Variants in SVOP observed in about 807,000 individuals in gnomAD.
The protein encoded by SVOP is synaptic vesicle 2-related protein.
SVOP carries 17 observed loss-of-function variants against 69.1 expected under a neutral mutation model. The ratio of observed to expected loss-of-function variants is 0.25; its 90% CI spans 0.17 to 0.37. SVOP has a LOEUF of 0.37. Ranked by LOEUF, SVOP falls within the 10% of genes least tolerant of loss-of-function variation. The pLI is 1.00. For missense variants in SVOP, 435 were observed against 597.5 expected, an observed-to-expected ratio of 0.73 and a Z score of 2.84; for synonymous variants, 238 against 238.6, an observed-to-expected ratio of 1.00 and a Z score of 0.02.
rs2039675662 is a variant in SVOP, at chr12:108,910,534, A to T, written c.*2001T>A. 1.3e-5 allele frequency: 2 copies of T among 152,206 alleles called. No homozygotes were observed. Among genetic ancestry groups the T allele is most frequent in the Admixed American group, 6.5e-5 (1 of 15,278 alleles). The allele number at this position is 152,206 out of a possible 1,614,324, so 9.4% of individuals were successfully genotyped here. ...GCTACAGCCACACGTGGTTCAAGGA[A>T]ATGTGGTTGTCAGAGAGAGACAGAG... On this transcript the variant is annotated 3_prime_UTR_variant, in exon 16 of 16. Transcript: ENST00000610966.
chr12:108,990,703 A>G (rs1221916328), intron 1 of SVOP, among the ~76,000 whole-genome samples: 1 of 151,356 alleles, frequency 6.6e-6, no homozygotes, highest in East Asian at 1.9e-4. Flanking sequence ...AAAAATAAAT[A>G]AATAAATAAA....
rs140401909 is a variant in SVOP, at chr12:108,992,431, C to T, written c.36-8670G>A. On this transcript the variant is annotated intron_variant, in intron 1 of 15. Transcript: ENST00000610966. ...TGGTGTGTGCCTGTAGTCCTAGCTA[C>T]TCAGGAGGCTGAGGTGGGAGGGTCG... Among the ~76,000 whole-genome samples, 1,143 of 152,186 alleles carry T rather than the reference C, an allele frequency of 7.5e-3. 24 individuals carry two copies. Among genetic ancestry groups the T allele is most frequent in the African/African-American group, 0.026 (1,095 of 41,524 alleles).
At chr12:108,986,930 C>T (rs148705751) in intron 1 of SVOP, among the ~76,000 whole-genome samples, 146 of 152,196 alleles carry the variant, frequency 9.6e-4, no homozygotes, top group Non-Finnish European at 1.4e-3. Context: ...ATAGTTGTGC[C>T]GTAAGTCAGG....
rs185864026 is a variant in SVOP, at chr12:109,013,277, C to T, written c.35+7557G>A. On this transcript the variant is annotated intron_variant, in intron 1 of 15. Coordinates refer to ENST00000610966, the MANE Select transcript of SVOP (RefSeq NM_018711.5). ...ATTATAGAGTTTATTAGCGATGATA[C>T]GTGCTATGAAAAAAAGAAAAAGGAG... is the stretch of plus-strand genomic sequence containing the variant. 1.6e-3 allele frequency among the ~76,000 whole-genome samples: 249 copies of T among 151,724 alleles called. 1 individual carries two copies. The highest frequency in any genetic ancestry group is 5.2e-3 in the African/African-American group (215 of 41,366).
intron 6 of SVOP, among the ~76,000 whole-genome samples, chr12:108,956,294 T>A: frequency 1.0e-5 from 1 of 100,368 alleles, no homozygotes. Flanking sequence ...AGAGCGAGAT[T>A]CCGTCTCAAA....
chr12:108,995,361 T>C (rs1439448364), intron 1 of SVOP, among the ~76,000 whole-genome samples: 2 of 152,088 alleles, frequency 1.3e-5, no homozygotes, highest in South Asian at 2.1e-4. Flanking sequence ...TGGATGAACC[T>C]TGAAGATATT....
In SVOP at chr12:108,918,030, A is replaced by G; in HGVS notation, c.1350+13T>C. ...CTGCCCGTTCCCCAGCAGCTCCCAG[A>G]CACCCCTCCTACCTCAGGTGTGTAA... On this transcript the variant is annotated intron_variant, in intron 14 of 15. Transcript: ENST00000610966. The G allele has an allele frequency of 6.4e-7, 1 of 1,558,200 alleles. No individual in the cohort carries two copies. Among genetic ancestry groups the G allele is most frequent in the Admixed American group, 2.0e-5 (1 of 50,930 alleles).
intron 11 of SVOP, among the ~76,000 whole-genome samples, chr12:108,927,844 C>T (rs1042374457): frequency 6.6e-5 from 10 of 152,018 alleles, no homozygotes; most frequent in Non-Finnish European, 1.2e-4. Flanking sequence ...GATTCACCTG[C>T]CTCAGCCTCC....
Position 108,919,798 on chromosome 12 carries a change from G to A in SVOP, c.1157-12C>T, listed in dbSNP as rs778993343. ...AGTCACAAGGACACCTGGAAGGGGA[G>A]TGGGGAGAGATAGGCAGCTTCCGAT... On this transcript the variant is annotated splice_polypyrimidine_tract_variant and intron_variant, in intron 12 of 15. Transcript: ENST00000610966. 4.5e-6 allele frequency: 7 copies of A among 1,566,170 alleles called. No individual in the cohort carries two copies. The South Asian group carries it at 8.2e-5, about 18-fold the overall frequency.
At chr12:108,914,860 T>C (rs73193468) in intron 15 of SVOP, among the ~76,000 whole-genome samples, 43,955 of 150,856 alleles carry the variant, frequency 0.29, 7,581 homozygotes, top group Admixed American at 0.5. Flanking sequence ...ACCTGACCCT[T>C]CTTTCCTTTT....
chr12:108,995,106 C>T (rs1302989284), intron 1 of SVOP, among the ~76,000 whole-genome samples: 3 of 151,484 alleles, frequency 2.0e-5, no homozygotes, highest in African/African-American at 7.3e-5. Flanking sequence ...AATCACACCA[C>T]AGCATTCCAG....
chr12:108,985,747 G>A (rs1291566100), intron 1 of SVOP, among the ~76,000 whole-genome samples: 1 of 152,126 alleles, frequency 6.6e-6, no homozygotes, highest in Non-Finnish European at 1.5e-5. Context: ...AGCAGATGGA[G>A]TACACATTTG....
rs150872052 is a variant in SVOP at position 108,957,203 on chromosome 12, G to A, written c.578+3720C>T. On this transcript the variant is annotated intron_variant, in intron 6 of 15. Transcript: ENST00000610966. Reference sequence around the variant, plus strand: ...TTTTGAGATGGAGTCTTGCTCTGTCGCCGAGGCTGGATAGCAGTGGCGCGC... The same window carrying A: ...TTTTGAGATGGAGTCTTGCTCTGTCACCGAGGCTGGATAGCAGTGGCGCGC... Among the ~76,000 whole-genome samples, 886 of 152,192 alleles carry A rather than the reference G, an allele frequency of 5.8e-3. 12 individuals are homozygous for A. The highest frequency in any genetic ancestry group is 0.02 in the African/African-American group (832 of 41,522).
intron 15 of SVOP, among the ~76,000 whole-genome samples, chr12:108,914,655 G>A (rs1460886535): frequency 6.6e-6 from 1 of 151,766 alleles, no homozygotes; most frequent in Non-Finnish European, 1.5e-5. Context: ...TGCAAACTCT[G>A]CCTCCTGGGT....
intron 1 of SVOP, among the ~76,000 whole-genome samples, chr12:109,001,142 A>C (rs2040266735): frequency 8.0e-6 from 1 of 125,588 alleles, no homozygotes; most frequent in African/African-American, 3.0e-5. Context: ...ATGTACAAAA[A>C]TCACAGGCAT....
chr12:109,006,082 CA>C (rs1289033839), intron 1 of SVOP, among the ~76,000 whole-genome samples: 1 of 152,116 alleles, frequency 6.6e-6, no homozygotes, highest in Non-Finnish European at 1.5e-5. Context: ...GAAAGAGTCT[CA>C]CTCTTGTCAC....
chr12:108,928,735 T>A (rs2039797657), intron 11 of SVOP, among the ~76,000 whole-genome samples: 1 of 151,982 alleles, frequency 6.6e-6, no homozygotes, highest in Non-Finnish European at 1.5e-5. Flanking sequence ...CTCGGCTCAG[T>A]TTTTGTAGTT....
At chr12:108,938,411 C>T (rs1226796583) in intron 9 of SVOP, among the ~76,000 whole-genome samples, 1 of 152,176 alleles carries the variant, frequency 6.6e-6, no homozygotes, top group Admixed American at 6.5e-5. Context: ...AACACCTACA[C>T]AGGGTGCGGT....
chr12:108,978,366 CT>C (rs1170445288), intron 3 of SVOP: 1 of 509,320 alleles, frequency 2.0e-6, no homozygotes, highest in African/African-American at 2.0e-5. Flanking sequence ...AGTTCAACTC[CT>C]TCTTGGGGGC....
Sources: gnomAD v4.1 joint callset for allele counts (sites outside exome capture counted in the v4.1 genomes callset) on GRCh38, gnomAD v4.1.1 for gene constraint, MANE v1.5 for transcripts, NCBI Gene and HGNC (gene_info 2026-07-23, HGNC 2026-07-21) for gene names.